Variants in EIF2AK4 observed in about 807,000 individuals in gnomAD.
EIF2AK4 encodes the protein eIF-2-alpha kinase GCN2.
A neutral mutation model predicts 211.1 loss-of-function variants in EIF2AK4; 139 were observed. The observed-to-expected ratio is 0.66, with a 90% CI of 0.57 to 0.76. The LOEUF is 0.76. EIF2AK4 is among the 30% of genes least tolerant of loss of function. The probability of loss-of-function intolerance (pLI) is 0.00; values close to 1 mark genes in which losing one functional copy is unlikely to be tolerated. For missense variants in EIF2AK4, 1,664 were observed against 2,043.8 expected (o/e 0.81, Z 3.58); for synonymous variants, 710 against 751.3 (o/e 0.94, Z 0.90).
Position 39,967,853 on chromosome 15 carries a change from A to G in EIF2AK4, c.1527A>G (p.Pro509=). The change falls in exon 9 of 39, where the codon CCA becomes CCG. Residue 509 remains proline, a synonymous_variant. Coordinates refer to ENST00000263791, the MANE Select transcript of EIF2AK4 (RefSeq NM_001013703.4). ...EYPVTIPSDL[P]ADFQDFLKKC... ...CTGTGACCATCCCTAGTGACTTACC[A>G]GCTGACTTTCAAGATTTTCTAAAGA... The G allele has an allele frequency of 1.2e-6, 2 of 1,613,894 alleles. No homozygotes were observed. Among genetic ancestry groups the G allele is most frequent in the Non-Finnish European group, 1.7e-6 (2 of 1,179,750 alleles).
At chr15:40,002,644 C>T in intron 21 of EIF2AK4, 69 bp from the exon 22 acceptor site, 1 of 1,544,056 alleles carries the variant, frequency 6.5e-7, no homozygotes, top group South Asian at 1.1e-5. Flanking sequence ...CTGCAAGCCA[C>T]AGATTAATAT....
chr15:39,980,836 G>A lies in EIF2AK4; in HGVS notation c.2319+2689G>A, dbSNP rs539364328. Among the ~76,000 whole-genome samples, 6 of 152,184 alleles carry A rather than the reference G, an allele frequency of 3.9e-5. No individual in the cohort carries two copies. In the East Asian group the frequency reaches 5.8e-4, roughly 15 times the overall value. ...CCCAAAGTGCTGCCATTATAGGTGT[G>A]AGCCACCATGCCTAGCCTGCAATGA... On this transcript the variant is annotated intron_variant, in intron 13 of 38. Transcript: ENST00000263791.
intron 32 of EIF2AK4, 32 bp from the exon 33 acceptor site, chr15:40,025,945 C>T (rs2035460642): frequency 1.2e-6 from 2 of 1,602,116 alleles, no homozygotes. Flanking sequence ...TCAGAAACCT[C>T]CAAATGATAG....
chr15:39,950,589 C>CAAAA (rs771231139), intron 4 of EIF2AK4, among the ~76,000 whole-genome samples: 2 of 59,768 alleles, frequency 3.3e-5, no homozygotes, highest in South Asian at 5.2e-4. Flanking sequence ...ACTCTGTCTT[C>CAAAA]AAAAAAAAAA....
At chr15:39,945,037 G>A (rs1376884366) in intron 3 of EIF2AK4, among the ~76,000 whole-genome samples, 1 of 152,192 alleles carries the variant, frequency 6.6e-6, no homozygotes, top group Non-Finnish European at 1.5e-5. Context: ...GTTCTTTCTA[G>A]TACAAGGGGA....
chr15:40,033,885 G>A (rs535475163), intron 37 of EIF2AK4, among the ~76,000 whole-genome samples: 10 of 152,086 alleles, frequency 6.6e-5, no homozygotes, highest in Admixed American at 3.9e-4. Flanking sequence ...AAAATTAGCC[G>A]GGCGTAGTGG....
chr15:39,962,409 A>T (rs899566581), intron 7 of EIF2AK4, among the ~76,000 whole-genome samples: 1 of 152,258 alleles, frequency 6.6e-6, no homozygotes, highest in South Asian at 2.1e-4. Flanking sequence ...TACATCATAT[A>T]CAGCTAATGC....
At chr15:39,983,852 T>G (rs1211024418) in intron 13 of EIF2AK4, among the ~76,000 whole-genome samples, 1 of 152,182 alleles carries the variant, frequency 6.6e-6, no homozygotes, top group African/African-American at 2.4e-5. Context: ...GCTCTTTAGT[T>G]TAATTAGATC....
chr15:39,961,668 C>T (rs776491216), intron 6 of EIF2AK4, 116 bp from the exon 7 acceptor site: 8 of 743,466 alleles, frequency 1.1e-5, no homozygotes, highest in Admixed American at 7.8e-5. Context: ...CAGTAATAAA[C>T]GGGAGAAAAT....
At chr15:40,021,105 A>G in intron 31 of EIF2AK4, 78 bp downstream of exon 31, 1 of 1,475,876 alleles carries the variant, frequency 6.8e-7, no homozygotes, top group Admixed American at 2.0e-5. Context: ...GCACCTATAG[A>G]CTGTCAAACT....
At chr15:39,998,510 T>G (rs1236164157) in intron 19 of EIF2AK4, among the ~76,000 whole-genome samples, 1 of 152,158 alleles carries the variant, frequency 6.6e-6, no homozygotes, top group East Asian at 1.9e-4. Context: ...AGGACGAAAG[T>G]GAAGAGTGAG....
intron 29 of EIF2AK4, among the ~76,000 whole-genome samples, chr15:40,017,455 T>C (rs2035318140): frequency 7.2e-6 from 1 of 139,774 alleles, no homozygotes; most frequent in Non-Finnish European, 1.5e-5. Flanking sequence ...TGCAAGATAG[T>C]TGCAAAGATA....
intron 4 of EIF2AK4, among the ~76,000 whole-genome samples, chr15:39,952,458 G>A (rs368427998): frequency 2.6e-4 from 39 of 152,024 alleles, no homozygotes; most frequent in African/African-American, 9.4e-4. Context: ...AAATTTTTTT[G>A]TAGAGACAAG....
At chr15:39,937,789 C>T (rs945667603) in intron 1 of EIF2AK4, among the ~76,000 whole-genome samples, 2 of 152,226 alleles carry the variant, frequency 1.3e-5, no homozygotes, top group East Asian at 1.9e-4. Flanking sequence ...CATCCCTCCT[C>T]CTCCAGCTAG....
rs760145559 is a variant in EIF2AK4, at chr15:40,022,615, T to G, written c.4389+10T>G. The G allele has an allele frequency of 6.2e-7, 1 of 1,613,384 alleles. No individual in the cohort carries two copies. The highest frequency in any genetic ancestry group is 1.1e-5 in the South Asian group (1 of 91,072). On this transcript the variant is annotated intron_variant, in intron 32 of 38. Coordinates refer to ENST00000263791, the MANE Select transcript of EIF2AK4 (RefSeq NM_001013703.4). ...AGGAAGCCATGTCAAGGTAAAGACG[T>G]CAGAGATTTTTTACAATTCAATAGT...
At chr15:39,942,665 T>C (rs2034161766) in intron 2 of EIF2AK4, among the ~76,000 whole-genome samples, 1 of 152,206 alleles carries the variant, frequency 6.6e-6, no homozygotes, top group Non-Finnish European at 1.5e-5. Flanking sequence ...GGGCTGGTTG[T>C]GTAATGTCCT....
In EIF2AK4 at chr15:39,949,264, AG is replaced by A; in HGVS notation, c.511del (p.Glu171SerfsTer16). The A allele has an allele frequency of 6.2e-7, 1 of 1,613,920 alleles. No homozygotes were observed. The highest frequency in any genetic ancestry group is 8.5e-7 in the Non-Finnish European group (1 of 1,179,856). The stretch of plus-strand genomic sequence containing the variant: ...TTGGAGGCCAAGCGGAAAGAAGAGC[AG>A]GAGGTGAGATGCCCTTGTCGATGTC... The part of the protein sequence containing the change: ...RLLEAKRKEE[Q>X]EQREILHEIQ... On this transcript the variant is annotated frameshift_variant, in exon 4 of 39. Coordinates refer to ENST00000263791, the MANE Select transcript of EIF2AK4 (RefSeq NM_001013703.4). LOFTEE classifies it high-confidence loss of function.
At chr15:39,939,667 A>T in intron 2 of EIF2AK4, 50 bp downstream of exon 2, 1 of 1,460,288 alleles carries the variant, frequency 6.8e-7, no homozygotes, top group Non-Finnish European at 9.5e-7. Flanking sequence ...TTCTGTTTTG[A>T]CAACATAGAA....
At chr15:40,012,961 C>T (rs2898974) in intron 27 of EIF2AK4, among the ~76,000 whole-genome samples, 16,898 of 152,084 alleles carry the variant, frequency 0.11, 1,764 homozygotes, top group East Asian at 0.28. Context: ...AATGAGACAC[C>T]TGAGGCCCAA....
Sources: allele counts gnomAD v4.1 joint callset (sites outside exome capture counted in the v4.1 genomes callset), GRCh38; gene constraint gnomAD v4.1.1; transcripts MANE v1.5; gene names NCBI Gene and HGNC (gene_info 2026-07-23, HGNC 2026-07-21).